Variants in PROK1 observed in about 807,000 individuals in gnomAD.
PROK1 encodes the protein prokineticin 1, also known as prokineticin-1.
Under a neutral mutation model 8.8 loss-of-function variants are expected in PROK1, and 10 were observed. The observed-to-expected ratio is 1.13, with a 90% confidence interval of 0.70 to 1.92. PROK1 has a LOEUF of 1.92. Among genes scored for constraint, PROK1 ranks in the 30% most tolerant of loss-of-function variants. PROK1 has a pLI of 0.00. For synonymous variants in PROK1, 57 were observed against 56.0 expected, an observed-to-expected ratio of 1.02 and a Z score of -0.08; for missense variants, 140 against 139.7, an observed-to-expected ratio of 1.00 and a Z score of -0.01.
At position 110,451,177 on chromosome 1, in the gene PROK1, C is replaced by G; in HGVS notation, c.-40C>G. The G allele has an allele frequency of 1.3e-6, 2 of 1,594,716 alleles. No homozygotes were observed. The highest frequency in any genetic ancestry group is 1.7e-6 in the Non-Finnish European group (2 of 1,162,372). On this transcript the variant is annotated 5_prime_UTR_variant, in exon 1 of 3. Coordinates refer to ENST00000271331, the MANE Select transcript of PROK1 (RefSeq NM_032414.3). ...AGGCTGAGCGGGAGGAAGCGAGAGG[C>G]ATCTAAGCAGGCAGTGTTTTGCCTT...
At position 110,456,470 on chromosome 1, in the gene PROK1, C is replaced by T. The variant is rs1664175661; in HGVS notation, c.*119C>T. ...CAGTCCCTACACTGACTACCCTGATCTCTCTTGTCTAGTACGCACATATGC... is the reference window on the plus strand; with the variant it reads ...CAGTCCCTACACTGACTACCCTGATTTCTCTTGTCTAGTACGCACATATGC... On this transcript the variant is annotated 3_prime_UTR_variant, in exon 3 of 3. Transcript: ENST00000271331. The T allele has an allele frequency of 1.6e-6, 2 of 1,267,846 alleles. No individual in the cohort carries two copies. Among genetic ancestry groups the T allele is most frequent in the Non-Finnish European group, 2.3e-6 (2 of 884,234 alleles). 78.5% of individuals were successfully genotyped at this position (1,267,846 alleles called of 1,614,324 possible).
rs184173265 is a variant in PROK1 at position 110,452,924 on chromosome 1, C to T, written c.73-1037C>T. Among the ~76,000 whole-genome samples the T allele has an allele frequency of 3.0e-3, 460 of 152,306 alleles. 3 individuals carry two copies. The highest frequency in any genetic ancestry group is 4.8e-3 in the Non-Finnish European group (325 of 68,034). ...TTACCCCAACCCCAAGCTTTTGTGG[C>T]CTGGCTGGGTGTGAGACGTGCCCTT... On this transcript the variant is annotated intron_variant, in intron 1 of 2. Coordinates refer to ENST00000271331, the MANE Select transcript of PROK1 (RefSeq NM_032414.3).
chr1:110,455,184 A>G (rs975640380), intron 2 of PROK1, among the ~76,000 whole-genome samples: 1 of 152,206 alleles, frequency 6.6e-6, no homozygotes, highest in Non-Finnish European at 1.5e-5. Flanking sequence ...GGGCATTTCC[A>G]CAGGCTCTCA....
At chr1:110,451,907 A>G (rs545673268) in intron 1 of PROK1, among the ~76,000 whole-genome samples, 17 of 151,012 alleles carry the variant, frequency 1.1e-4, no homozygotes, top group African/African-American at 2.9e-4. Flanking sequence ...TAACAAGTAG[A>G]TATCCAGTCT....
intron 2 of PROK1, 127 bp from the exon 3 acceptor site, chr1:110,456,105 G>A (rs1320064904): frequency 2.1e-6 from 2 of 973,042 alleles, no homozygotes; most frequent in Non-Finnish European, 3.3e-6. Flanking sequence ...TGTTGTGCTA[G>A]GTGCAGTGGA....
At chr1:110,451,581 C>T (rs1570687628) in intron 1 of PROK1, among the ~76,000 whole-genome samples, 1 of 152,094 alleles carries the variant, frequency 6.6e-6, no homozygotes, top group South Asian at 2.1e-4. Context: ...GTGAAGATTC[C>T]TATTAAGTAA....
Position 110,456,337 on chromosome 1 carries a change from A to C in PROK1, c.304A>C (p.Asn102His). ...GRYRCSMDLK[N>H]INF The stretch of plus-strand genomic sequence containing the variant: ...GTACCGCTGCTCCATGGACTTGAAG[A>C]ACATCAATTTTTAGGCGCTTGCCTG... The change falls in exon 3 of 3, where the codon AAC becomes CAC. Residue 102 changes from asparagine (N) to histidine (H), a missense_variant. Coordinates refer to ENST00000271331, the MANE Select transcript of PROK1 (RefSeq NM_032414.3). The C allele has an allele frequency of 4.3e-6, 7 of 1,614,026 alleles. No individual in the cohort carries two copies. The highest frequency in any genetic ancestry group is 5.9e-6 in the Non-Finnish European group (7 of 1,180,020).
intron 1 of PROK1, among the ~76,000 whole-genome samples, 186 bp from the exon 2 acceptor site, chr1:110,453,775 G>A (rs1018266716): frequency 1.3e-5 from 2 of 152,204 alleles, no homozygotes; most frequent in African/African-American, 4.8e-5. Flanking sequence ...CCTGAGCCCT[G>A]AGCCTCCCCA....
In PROK1 at chr1:110,454,180, C is replaced by T. The variant is rs116061833; in HGVS notation, c.198+94C>T. ...TGGGGCCTTGCTCTAGCTAGGAAGG[C>T]TAGAGAGGCTGGCTCCAGAGAGGCA... On this transcript the variant is annotated intron_variant, in intron 2 of 2. Coordinates refer to ENST00000271331, the MANE Select transcript of PROK1 (RefSeq NM_032414.3). 1.3e-3 allele frequency: 1,939 copies of T among 1,486,984 alleles called. 25 individuals are homozygous for T. The African/African-American group carries it at 0.024, about 18-fold the overall frequency. 92.1% of individuals were successfully genotyped at this position (1,486,984 alleles called of 1,614,324 possible).
At chr1:110,452,472 C>T (rs770058028) in intron 1 of PROK1, among the ~76,000 whole-genome samples, 4 of 152,332 alleles carry the variant, frequency 2.6e-5, no homozygotes, top group Non-Finnish European at 4.4e-5. Flanking sequence ...GGCTGCTGCG[C>T]GGTGAGGGCA....
Position 110,454,179 on chromosome 1 carries a change from G to T in PROK1, c.198+93G>T, listed in dbSNP as rs867258000. The stretch of plus-strand genomic sequence containing the variant: ...CTGGGGCCTTGCTCTAGCTAGGAAG[G>T]CTAGAGAGGCTGGCTCCAGAGAGGC... On this transcript the variant is annotated intron_variant, in intron 2 of 2. Transcript: ENST00000271331. 4.0e-6 allele frequency: 6 copies of T among 1,488,684 alleles called. No individual in the cohort carries two copies. In the South Asian group the frequency reaches 5.2e-5, roughly 13 times the overall value. The allele number at this position is 1,488,684 out of a possible 1,614,324, so 92.2% of individuals were successfully genotyped here. A position where few individuals can be genotyped will look rare whatever the true frequency, so the allele number is the denominator to read the frequency against.
intron 2 of PROK1, among the ~76,000 whole-genome samples, 192 bp downstream of exon 2, chr1:110,454,278 A>G (rs1232214160): frequency 6.6e-6 from 1 of 152,212 alleles, no homozygotes; most frequent in Non-Finnish European, 1.5e-5. Flanking sequence ...CCAGCCCCTG[A>G]ATGTCCAAGG....
chr1:110,455,023 C>T (rs1664150221), intron 2 of PROK1, among the ~76,000 whole-genome samples: 1 of 152,182 alleles, frequency 6.6e-6, no homozygotes, highest in Admixed American at 6.5e-5. Context: ...CCTCTGGAGC[C>T]ACAGCATCCC....
chr1:110,452,529 G>C (rs1664102779), intron 1 of PROK1, among the ~76,000 whole-genome samples: 1 of 152,210 alleles, frequency 6.6e-6, no homozygotes, highest in Admixed American at 6.5e-5. Flanking sequence ...CACCACCCGT[G>C]CCAGCTCCAG....
chr1:110,451,993 C>T (rs758821648), intron 1 of PROK1, among the ~76,000 whole-genome samples: 33 of 152,184 alleles, frequency 2.2e-4, no homozygotes, highest in Non-Finnish European at 3.2e-4. Flanking sequence ...GGTTTTCTCT[C>T]GGAAGTTTGC....
Position 110,456,446 on chromosome 1 carries a change from A to G in PROK1, c.*95A>G. 1 of 1,487,582 alleles carries G rather than the reference A, an allele frequency of 6.7e-7. No individual in the cohort carries two copies. The highest frequency in any genetic ancestry group is 9.3e-7 in the Non-Finnish European group (1 of 1,078,182). The allele number at this position is 1,487,582 out of a possible 1,614,324, so 92.1% of individuals were successfully genotyped here. On this transcript the variant is annotated 3_prime_UTR_variant, in exon 3 of 3. Transcript: ENST00000271331. ...GAAACCCAGCTCCCATGACTCTCCC[A>G]GTCCCTACACTGACTACCCTGATCT...
chr1:110,456,107 T>C (rs1004153707), intron 2 of PROK1, 125 bp from the exon 3 acceptor site: 1 of 987,772 alleles, frequency 1.0e-6, no homozygotes, highest in African/African-American at 1.6e-5. Context: ...TTGTGCTAGG[T>C]GCAGTGGAGA....
chr1:110,455,241 C>G (rs908664560), intron 2 of PROK1, among the ~76,000 whole-genome samples: 1 of 152,224 alleles, frequency 6.6e-6, no homozygotes, highest in African/African-American at 2.4e-5. Flanking sequence ...CCTACATGTA[C>G]CCCTCTGTCT....
rs778697807 is a variant in PROK1 at position 110,454,067 on chromosome 1, G to A, written c.179G>A (p.Cys60Tyr). The change falls in exon 2 of 3, where the codon TGC becomes TAC. Residue 60 changes from cysteine to tyrosine, a missense_variant. Transcript: ENST00000271331. The part of the protein sequence containing the change: ...CTPLGREGEE[C>Y]HPGSHKVPFF... The stretch of plus-strand genomic sequence containing the variant: ...CCGCTGGGGCGGGAAGGCGAGGAGT[G>A]CCACCCCGGCAGCCACAAGGTACTC... The A allele has an allele frequency of 2.3e-5, 37 of 1,613,240 alleles. No homozygotes were observed. In the African/African-American group the frequency reaches 4.9e-4, roughly 22 times the overall value.
Sources: gnomAD v4.1 joint callset for allele counts (sites outside exome capture counted in the v4.1 genomes callset) on GRCh38, gnomAD v4.1.1 for gene constraint, MANE v1.5 for transcripts, NCBI Gene and HGNC (gene_info 2026-07-23, HGNC 2026-07-21) for gene names.